Variants in CRIM1 observed in about 807,000 individuals in gnomAD.
The protein encoded by CRIM1 is cysteine-rich motor neuron 1 protein.
In CRIM1, 32 loss-of-function variants were observed where a neutral mutation model predicts 116.4. That is an observed-to-expected ratio of 0.27 (90% CI 0.21 to 0.37). The LOEUF (loss-of-function observed/expected upper bound fraction) is 0.37, where lower values mean the gene tolerates loss of function less well. Ranked by LOEUF, CRIM1 falls within the 10% of genes least tolerant of loss-of-function variation. CRIM1 has a pLI of 1.00. For synonymous variants in CRIM1, 590 were observed against 509.2 expected (o/e 1.16, Z -2.13); for missense variants, 1,331 against 1,354.8 (o/e 0.98, Z 0.28).
At chr2:36,548,404 C>T (rs562012714) in intron 16 of CRIM1, 121 bp from the exon 17 acceptor site, 1 of 640,840 alleles carries the variant, frequency 1.6e-6, no homozygotes, top group African/African-American at 1.9e-5. Flanking sequence ...TGCATACAGG[C>T]TATCAATCAA....
chr2:36,377,596 C>T (rs568472671), intron 1 of CRIM1, among the ~76,000 whole-genome samples: 8 of 152,264 alleles, frequency 5.3e-5, no homozygotes, highest in African/African-American at 1.7e-4. Context: ...ATAAGGAATA[C>T]TTAAGTTAAC....
chr2:36,406,768 C>T (rs1409605811), intron 2 of CRIM1, among the ~76,000 whole-genome samples: 1 of 152,212 alleles, frequency 6.6e-6, no homozygotes, highest in Non-Finnish European at 1.5e-5. Flanking sequence ...TTTTAAGTTA[C>T]ACAGCTGCTT....
At chr2:36,367,369 A>G (rs1258222970) in intron 1 of CRIM1, among the ~76,000 whole-genome samples, 2 of 152,202 alleles carry the variant, frequency 1.3e-5, no homozygotes, top group Non-Finnish European at 2.9e-5. Flanking sequence ...ATATTACAGA[A>G]TTCTTGTATG....
At chr2:36,399,597 T>G (rs1307664165) in intron 2 of CRIM1, among the ~76,000 whole-genome samples, 1 of 152,186 alleles carries the variant, frequency 6.6e-6, no homozygotes, top group African/African-American at 2.4e-5. Flanking sequence ...AAAATGGTAC[T>G]GAAAATAGGG....
intron 1 of CRIM1, among the ~76,000 whole-genome samples, chr2:36,367,770 G>A (rs1369281531): frequency 3.9e-5 from 6 of 152,236 alleles, no homozygotes; most frequent in African/African-American, 1.2e-4. Flanking sequence ...ACAGTAAAGC[G>A]TAGTATTGGG....
rs189611278 is a variant in CRIM1 at position 36,548,113 on chromosome 2, A to G, written c.2935-412A>G. The stretch of plus-strand genomic sequence containing the variant: ...CATAAAGTGTATGGAGTGACTAGCA[A>G]CACACAGGCTGGCCCAGCCTATGAT... On this transcript the variant is annotated intron_variant, in intron 16 of 16. Transcript: ENST00000280527. Among the ~76,000 whole-genome samples the G allele has an allele frequency of 2.0e-3, 312 of 152,308 alleles. 1 individual carries two copies. The highest frequency in any genetic ancestry group is 7.4e-3 in the African/African-American group (306 of 41,576).
intron 6 of CRIM1, among the ~76,000 whole-genome samples, chr2:36,478,700 G>A (rs6720730): frequency 0.22 from 33,644 of 152,104 alleles, 3,889 homozygotes; most frequent in East Asian, 0.38. Flanking sequence ...TCTCAGCACA[G>A]CAGTAGTTGT....
intron 4 of CRIM1, among the ~76,000 whole-genome samples, chr2:36,451,123 T>A (rs987624194): frequency 1.3e-5 from 2 of 152,184 alleles, no homozygotes; most frequent in African/African-American, 4.8e-5. Flanking sequence ...GTTAAATAAT[T>A]ACATACTCAT....
chr2:36,535,218 AGAAG>A (rs367584029), intron 13 of CRIM1, among the ~76,000 whole-genome samples: 10 of 140,916 alleles, frequency 7.1e-5, no homozygotes, highest in South Asian at 2.4e-4. Context: ...GGATGGAGGG[AGAAG>A]GAAGGAAGGT....
In CRIM1 at chr2:36,536,024, T is replaced by C. The variant is rs958737159; in HGVS notation, c.2429-1328T>C. On this transcript the variant is annotated intron_variant, in intron 13 of 16. Transcript: ENST00000280527. ...CTAGAACCAGTCTCCCAAGGGACAA[T>C]TGTAATTGGTAAGAAGAAAATGTAG... 3.3e-5 allele frequency among the ~76,000 whole-genome samples: 5 copies of C among 152,098 alleles called. No individual in the cohort carries two copies. In the East Asian group the frequency reaches 9.6e-4, roughly 29 times the overall value.
At chr2:36,507,705 T>C (rs967702976) in intron 8 of CRIM1, among the ~76,000 whole-genome samples, 2 of 152,204 alleles carry the variant, frequency 1.3e-5, no homozygotes, top group Non-Finnish European at 2.9e-5. Flanking sequence ...TTCCATTCCA[T>C]TGCAAAGCAG....
At chr2:36,436,014 C>T (rs942411404) in intron 2 of CRIM1, among the ~76,000 whole-genome samples, 3 of 150,716 alleles carry the variant, frequency 2.0e-5, no homozygotes, top group African/African-American at 4.9e-5. Context: ...CTGTTAGACA[C>T]CATAGGGAAA....
chr2:36,545,671 T>C (rs1357294809), intron 15 of CRIM1, among the ~76,000 whole-genome samples: 1 of 152,180 alleles, frequency 6.6e-6, no homozygotes, highest in Non-Finnish European at 1.5e-5. Context: ...TGGCTTGGTT[T>C]TAGCACAGAA....
intron 4 of CRIM1, among the ~76,000 whole-genome samples, chr2:36,452,111 T>C (rs2124971744): frequency 6.6e-6 from 1 of 151,296 alleles, no homozygotes; most frequent in Non-Finnish European, 1.5e-5. Context: ...CACTTAACAG[T>C]TTGGGTTTTT....
intron 5 of CRIM1, among the ~76,000 whole-genome samples, chr2:36,468,542 G>A (rs924049817): frequency 1.3e-5 from 2 of 152,162 alleles, no homozygotes; most frequent in African/African-American, 4.8e-5. Context: ...CAGGTGGTAT[G>A]ATTATGTTTC....
At position 36,473,655 on chromosome 2, in the gene CRIM1, T is replaced by C. The variant is rs116372399; in HGVS notation, c.992-3234T>C. 1.7e-3 allele frequency among the ~76,000 whole-genome samples: 265 copies of C among 152,316 alleles called. 3 individuals carry two copies. Among genetic ancestry groups the C allele is most frequent in the African/African-American group, 6.0e-3 (250 of 41,578 alleles). The stretch of plus-strand genomic sequence containing the variant: ...GTCTTTTGTGACTGGCTTCTTTCAC[T>C]TAGCATAATATTTTCAAGTGTCATT... On this transcript the variant is annotated intron_variant, in intron 5 of 16. Transcript: ENST00000280527.
intron 13 of CRIM1, among the ~76,000 whole-genome samples, chr2:36,525,439 C>G (rs1665691557): frequency 6.6e-6 from 1 of 152,212 alleles, no homozygotes; most frequent in Non-Finnish European, 1.5e-5. Context: ...CAAGCACACC[C>G]AAAGGCAGTT....
chr2:36,356,598 C>A lies in CRIM1; in HGVS notation c.306C>A (p.Thr102=). 1.2e-6 allele frequency: 2 copies of A among 1,610,680 alleles called. No individual in the cohort carries two copies. Among genetic ancestry groups the A allele is most frequent in the African/African-American group, 1.3e-5 (1 of 74,970 alleles). The change falls in exon 1 of 17, where the codon ACC becomes ACA. Residue 102 remains threonine, a synonymous_variant. Coordinates refer to ENST00000280527, the MANE Select transcript of CRIM1 (RefSeq NM_016441.3). The surrounding 1 kb of genome is among the most constrained non-coding windows in gnomAD (Gnocchi z 4.3). ...CCCCGCTCAATGGCGACTCCCTCAC[C>A]GAGTACGAAGCGGGCGTTTGCGAAG... ...IRPPLNGDSL[T]EYEAGVCEDE...
chr2:36,544,394 C>A lies in CRIM1; in HGVS notation c.2642C>A (p.Pro881Gln). The A allele has an allele frequency of 7.2e-7, 1 of 1,384,486 alleles. No homozygotes were observed. The allele number at this position is 1,384,486 out of a possible 1,614,324, so 85.8% of individuals were successfully genotyped here. Residue 881 changes from proline (P) to glutamine (Q), a missense_variant, in exon 15 of 17, where the codon CCA becomes CAA. Transcript: ENST00000280527. Reference sequence around the variant, plus strand: ...CTTTTAGAAATGTATGTCCCAGAACCAACCAATATACCCATTGAGAAGACA... The same window carrying A: ...CTTTTAGAAATGTATGTCCCAGAACAAACCAATATACCCATTGAGAAGACA... ...PMCPEMYVPEPTNIPIEKTNH... is the reference protein window; with the variant it reads ...PMCPEMYVPEQTNIPIEKTNH...
Sources: allele counts gnomAD v4.1 joint callset (sites outside exome capture counted in the v4.1 genomes callset), GRCh38; gene constraint gnomAD v4.1.1; non-coding constraint Gnocchi (gnomAD v3.1); transcripts MANE v1.5; gene names NCBI Gene and HGNC (gene_info 2026-07-23, HGNC 2026-07-21).